The following METTL15 variants were observed in gnomAD, a reference collection of about 807,000 sequenced individuals.
METTL15 encodes the protein methyltransferase 15, mitochondrial 12S rRNA N4-cytidine.
METTL15 carries 34 observed loss-of-function variants against 38.3 expected under a neutral mutation model. That is an observed-to-expected ratio of 0.89 (90% CI 0.68 to 1.18). METTL15 has a LOEUF of 1.18. Ranked by LOEUF, METTL15 falls within the 50% of genes most tolerant of loss-of-function variation. The probability of loss-of-function intolerance (pLI) is 0.00; values close to 1 mark genes in which losing one functional copy is unlikely to be tolerated. For missense variants in METTL15, 438 were observed against 498.4 expected (o/e 0.88, Z 1.15); for synonymous variants, 162 against 170.9 (o/e 0.95, Z 0.41).
chr11:28,530,246 G>A (rs1358437815), downstream of METTL15, among the ~76,000 whole-genome samples: 1 of 152,148 alleles, frequency 6.6e-6, no homozygotes, highest in East Asian at 1.9e-4. Flanking sequence ...CACAAAGGTT[G>A]TATAACCTAT....
intron 6 of METTL15, among the ~76,000 whole-genome samples, chr11:28,470,253 T>G (rs1215038554): frequency 6.6e-6 from 1 of 152,148 alleles, no homozygotes; most frequent in African/African-American, 2.4e-5. Flanking sequence ...GGGGACTGCA[T>G]ATATTGGAGA....
At chr11:28,441,393 T>C (rs1465102791) in intron 6 of METTL15, among the ~76,000 whole-genome samples, 1 of 152,148 alleles carries the variant, frequency 6.6e-6, no homozygotes, top group African/African-American at 2.4e-5. Context: ...TATGACAACA[T>C]TGAATGGAAT....
At chr11:28,532,307 A>G in the METTL15 span, among the ~76,000 whole-genome samples, 3 of 152,228 alleles carry the variant, frequency 2.0e-5, no homozygotes, top group African/African-American at 4.8e-5. Context: ...GAATACCAAG[A>G]AAGCAAAGCA....
intron 5 of METTL15, among the ~76,000 whole-genome samples, chr11:28,388,922 A>G (rs1850470762): frequency 6.6e-6 from 1 of 151,952 alleles, no homozygotes; most frequent in South Asian, 2.1e-4. Flanking sequence ...ATGAGTGAGA[A>G]CATGCAGTGT....
intron 6 of METTL15, among the ~76,000 whole-genome samples, chr11:28,299,600 ATTTG>A (rs1268746795): frequency 6.6e-6 from 1 of 152,092 alleles, no homozygotes; most frequent in Non-Finnish European, 1.5e-5. Context: ...CCCTCACACA[ATTTG>A]TTTAACAGAG....
chr11:28,225,799 T>C (rs1426153278), intron 4 of METTL15, among the ~76,000 whole-genome samples: 2 of 151,888 alleles, frequency 1.3e-5, no homozygotes, highest in African/African-American at 4.8e-5. Context: ...TTATTTCTAT[T>C]TTCTACCCTA....
chr11:28,162,616 A>G (rs1373494594), intron 3 of METTL15, among the ~76,000 whole-genome samples: 5 of 152,154 alleles, frequency 3.3e-5, no homozygotes, highest in African/African-American at 1.2e-4. Context: ...TCAAAAATGT[A>G]TTGAATATAC....
chr11:28,190,097 G>A (rs1436634795), intron 3 of METTL15, among the ~76,000 whole-genome samples: 2 of 151,110 alleles, frequency 1.3e-5, no homozygotes, highest in Non-Finnish European at 3.0e-5. Context: ...TTGTTCAAAA[G>A]TTGATTTAGT....
At chr11:28,135,883 A>G (rs557511686) in intron 3 of METTL15, among the ~76,000 whole-genome samples, 1 of 152,330 alleles carries the variant, frequency 6.6e-6, no homozygotes, top group South Asian at 2.1e-4. Flanking sequence ...ACAAAAGGTT[A>G]AAAAGATTAC....
intron 5 of METTL15, among the ~76,000 whole-genome samples, chr11:28,395,003 A>G (rs1850553741): frequency 6.6e-6 from 1 of 152,136 alleles, no homozygotes; most frequent in Admixed American, 6.6e-5. Flanking sequence ...ATCTGCAGTA[A>G]TGATGAGCTG....
At chr11:28,277,041 A>C in intron 4 of METTL15, among the ~76,000 whole-genome samples, 1 of 152,180 alleles carries the variant, frequency 6.6e-6, no homozygotes, top group East Asian at 1.9e-4. Flanking sequence ...ACAAACCCAA[A>C]CATAAATAAA....
rs115330078 is a variant in METTL15, at chr11:28,438,276, A to C, written c.*424+13912A>C. Among the ~76,000 whole-genome samples the C allele has an allele frequency of 2.4e-3, 359 of 152,298 alleles. 4 individuals are homozygous for C. Among genetic ancestry groups the C allele is most frequent in the African/African-American group, 8.1e-3 (338 of 41,562 alleles). On this transcript the variant is annotated intron_variant and NMD_transcript_variant, in intron 6 of 7. Coordinates refer to the METTL15 transcript ENST00000532947. ...ATTCTCTCTAGGAGCTTCATTTATAAAGTGAACTATTTCAGAGTTTATAAC... is the reference window on the plus strand; with the variant it reads ...ATTCTCTCTAGGAGCTTCATTTATACAGTGAACTATTTCAGAGTTTATAAC...
intron 3 of METTL15, among the ~76,000 whole-genome samples, chr11:28,170,797 T>C (rs1348178888): frequency 6.6e-6 from 1 of 152,130 alleles, no homozygotes; most frequent in Non-Finnish European, 1.5e-5. Context: ...TTGGTTTTGG[T>C]CGGTTTTGGC....
chr11:28,355,784 C>A (rs1373442599), intron 4 of METTL15, among the ~76,000 whole-genome samples: 1 of 152,036 alleles, frequency 6.6e-6, no homozygotes, highest in Admixed American at 6.6e-5. Context: ...TAGAACCAGT[C>A]CCCCAGGCAT....
chr11:28,303,520 G>C (rs765676535), intron 6 of METTL15, among the ~76,000 whole-genome samples: 6 of 151,958 alleles, frequency 3.9e-5, no homozygotes, highest in Non-Finnish European at 8.8e-5. Context: ...GTGACAGAAG[G>C]CTTATAATTA....
At chr11:28,407,022 C>T (rs1184074377) in intron 5 of METTL15, among the ~76,000 whole-genome samples, 4 of 152,054 alleles carry the variant, frequency 2.6e-5, no homozygotes, top group Non-Finnish European at 4.4e-5. Flanking sequence ...GCCTTGCATC[C>T]TGGGGATGAA....
intron 6 of METTL15, among the ~76,000 whole-genome samples, chr11:28,484,591 T>C (rs1158001088): frequency 6.6e-6 from 1 of 152,164 alleles, no homozygotes; most frequent in Non-Finnish European, 1.5e-5. Flanking sequence ...GGGGATCTGC[T>C]TTTGGCTCTG....
At chr11:28,405,400 C>G (rs1850665157) in intron 5 of METTL15, among the ~76,000 whole-genome samples, 1 of 152,106 alleles carries the variant, frequency 6.6e-6, no homozygotes, top group African/African-American at 2.4e-5. Context: ...TTATTTTGAC[C>G]TGGTTTTCCC....
At chr11:28,428,917 C>A (rs1850887745) in intron 6 of METTL15, among the ~76,000 whole-genome samples, 3 of 152,190 alleles carry the variant, frequency 2.0e-5, no homozygotes, top group African/African-American at 7.2e-5. Context: ...CCAGGCCCTG[C>A]TGGAGCCATG....
Sources: gnomAD v4.1 joint callset for allele counts (sites outside exome capture counted in the v4.1 genomes callset) on GRCh38, gnomAD v4.1.1 for gene constraint, MANE v1.5 for transcripts, NCBI Gene and HGNC (gene_info 2026-07-23, HGNC 2026-07-21) for gene names.